Variants in IGSF21 observed in about 807,000 individuals in gnomAD.
IGSF21 encodes immunoglobin superfamily member 21.
A neutral mutation model predicts 46.8 loss-of-function variants in IGSF21; 28 were observed. The observed-to-expected ratio is 0.60, with a 90% confidence interval of 0.44 to 0.82. The LOEUF is 0.82. Among genes scored for constraint, IGSF21 ranks in the 40% least tolerant of loss-of-function variants. The probability of loss-of-function intolerance (pLI) is 0.00; values close to 1 mark genes in which losing one functional copy is unlikely to be tolerated. For synonymous variants in IGSF21, 284 were observed against 273.6 expected, an observed-to-expected ratio of 1.04 and a Z score of -0.38; for missense variants, 624 against 665.5, an observed-to-expected ratio of 0.94 and a Z score of 0.69.
At chr1:18,196,999 A>G (rs753000794) in intron 1 of IGSF21, among the ~76,000 whole-genome samples, 5 of 152,072 alleles carry the variant, frequency 3.3e-5, no homozygotes, top group Non-Finnish European at 7.4e-5. Flanking sequence ...TATTTTTTCT[A>G]ATCGGCCCGG....
intron 1 of IGSF21, among the ~76,000 whole-genome samples, chr1:18,155,922 A>C (rs959179506): frequency 7.9e-5 from 12 of 152,262 alleles, no homozygotes; most frequent in African/African-American, 2.7e-4. Flanking sequence ...AATTGATTAA[A>C]GTTGTACATG....
chr1:18,154,502 G>T (rs529472553), intron 1 of IGSF21, among the ~76,000 whole-genome samples: 25 of 152,174 alleles, frequency 1.6e-4, no homozygotes, highest in African/African-American at 5.3e-4. Flanking sequence ...CTGACCCTGT[G>T]CTGGGCTCTG....
chr1:18,361,019 G>A (rs1415422502), intron 4 of IGSF21, among the ~76,000 whole-genome samples: 1 of 152,096 alleles, frequency 6.6e-6, no homozygotes, highest in Non-Finnish European at 1.5e-5. Context: ...CAGGGGCAGT[G>A]GGTGAGGAGA....
chr1:18,319,259 G>C (rs189558502), intron 3 of IGSF21, among the ~76,000 whole-genome samples: 4 of 152,286 alleles, frequency 2.6e-5, no homozygotes, highest in Non-Finnish European at 5.9e-5. Context: ...CTACATTCCA[G>C]CTAGGAGGAA....
At chr1:18,352,092 A>G (rs1235397030) in intron 4 of IGSF21, among the ~76,000 whole-genome samples, 3 of 152,228 alleles carry the variant, frequency 2.0e-5, no homozygotes, top group African/African-American at 7.2e-5. Flanking sequence ...AAGTCCTTTG[A>G]TCCAATCAGC....
intron 1 of IGSF21, 150 bp downstream of exon 1, chr1:18,108,348 G>C: frequency 2.6e-6 from 2 of 781,130 alleles, no homozygotes; most frequent in South Asian, 4.8e-5. Context: ...GGCTCGATGA[G>C]GGAGGGAGGA....
chr1:18,258,859 C>T (rs997395943), intron 2 of IGSF21, among the ~76,000 whole-genome samples: 2 of 152,166 alleles, frequency 1.3e-5, no homozygotes, highest in East Asian at 1.9e-4. Flanking sequence ...TCTCCCCTTC[C>T]GCCAAATCCA....
intron 1 of IGSF21, among the ~76,000 whole-genome samples, chr1:18,166,216 A>AT (rs2086677252): frequency 6.6e-6 from 1 of 152,098 alleles, no homozygotes; most frequent in Non-Finnish European, 1.5e-5. Context: ...TTTAAAAAAA[A>AT]TTTTACCTTG....
intron 1 of IGSF21, among the ~76,000 whole-genome samples, chr1:18,161,894 C>A (rs1178672333): frequency 1.3e-5 from 2 of 152,110 alleles, no homozygotes; most frequent in African/African-American, 4.8e-5. Flanking sequence ...TGACCTTGGG[C>A]AGGGCACTTA....
chr1:18,273,039 C>CTTTTTTGTTTTTTTTTTTTTTT (rs2085058061), intron 2 of IGSF21, among the ~76,000 whole-genome samples: 1 of 80,722 alleles, frequency 1.2e-5, no homozygotes, highest in African/African-American at 5.4e-5. Context: ...CCAGACGGAT[C>CTTTTTTGTTTTTTTTTTTTTTT]TTTTTTTTTT....
At chr1:18,209,873 C>T (rs925637333) in intron 1 of IGSF21, among the ~76,000 whole-genome samples, 2 of 152,038 alleles carry the variant, frequency 1.3e-5, no homozygotes, top group East Asian at 1.9e-4. Context: ...TCCATGCATC[C>T]GTTGCCTTGA....
chr1:18,151,940 G>C (rs1049416975), intron 1 of IGSF21, among the ~76,000 whole-genome samples: 2 of 152,134 alleles, frequency 1.3e-5, no homozygotes, highest in African/African-American at 4.8e-5. Context: ...CAAGCAGGTT[G>C]CTCCAGGGAT....
intron 1 of IGSF21, among the ~76,000 whole-genome samples, chr1:18,163,191 T>C (rs781615029): frequency 6.6e-6 from 1 of 151,608 alleles, no homozygotes; most frequent in Non-Finnish European, 1.5e-5. Context: ...TCCTAAACTA[T>C]AAAGGGAGAA....
chr1:18,334,920 G>C lies in IGSF21; in HGVS notation c.334G>C (p.Gly112Arg), dbSNP rs1040082258. 2 of 1,614,014 alleles carry C rather than the reference G, an allele frequency of 1.2e-6. No individual in the cohort carries two copies. The highest frequency in any genetic ancestry group is 2.7e-5 in the African/African-American group (2 of 74,920). ...GCCCGAGGTCCGGATCTCAGACAAT[G>C]GTCCCTATGAGTGCCATGTGGGCAT... is the stretch of plus-strand genomic sequence containing the variant. ...RLPEVRISDNGPYECHVGIYD... is the reference protein window; with the variant it reads ...RLPEVRISDNRPYECHVGIYD... Residue 112 changes from glycine to arginine, a missense_variant, in exon 4 of 10, where the codon GGT (glycine) becomes CGT (arginine). By Grantham distance (125) the Gly-to-Arg change is moderately radical (BLOSUM62 -2). Transcript: ENST00000251296. The surrounding 1 kb of genome is among the most constrained non-coding windows in gnomAD (Gnocchi z 4.3).
chr1:18,345,772 G>C (rs1038893073), intron 4 of IGSF21, among the ~76,000 whole-genome samples: 2 of 152,160 alleles, frequency 1.3e-5, no homozygotes, highest in African/African-American at 4.8e-5. Flanking sequence ...TTCTAAGGTC[G>C]ATTCTGTGAT....
Position 18,377,865 on chromosome 1 carries a change from C to A in IGSF21, c.1334-391C>A, listed in dbSNP as rs1343900112. Among the ~76,000 whole-genome samples, 16 of 152,186 alleles carry A rather than the reference C, an allele frequency of 1.1e-4. No individual in the cohort carries two copies. The South Asian group carries it at 3.3e-3, about 31-fold the overall frequency. On this transcript the variant is annotated intron_variant, in intron 9 of 9. Coordinates refer to ENST00000251296, the MANE Select transcript of IGSF21 (RefSeq NM_032880.5). ...GGTGGTTGGGAGCATCAACGGATGT[C>A]TCAGTGCAGGCCCTTTATACTGTCC...
intron 2 of IGSF21, among the ~76,000 whole-genome samples, chr1:18,278,275 T>C (rs1027778533): frequency 1.3e-5 from 2 of 151,994 alleles, no homozygotes; most frequent in African/African-American, 4.8e-5. Flanking sequence ...AGTCTCACTC[T>C]GTTGCCCAGG....
chr1:18,143,862 A>G (rs2124427660), intron 1 of IGSF21, among the ~76,000 whole-genome samples: 1 of 152,118 alleles, frequency 6.6e-6, no homozygotes, highest in East Asian at 1.9e-4. Context: ...TGCCCATCAG[A>G]CTTGGATTCT....
chr1:18,369,221 A>C (rs1200521011), intron 6 of IGSF21, among the ~76,000 whole-genome samples: 1 of 152,182 alleles, frequency 6.6e-6, no homozygotes, highest in Non-Finnish European at 1.5e-5. Flanking sequence ...CTGAGTGAGA[A>C]TTCAGACTTC....
Sources: allele counts gnomAD v4.1 joint callset (sites outside exome capture counted in the v4.1 genomes callset), GRCh38; gene constraint gnomAD v4.1.1; non-coding constraint Gnocchi (gnomAD v3.1); transcripts MANE v1.5; gene names NCBI Gene and HGNC (gene_info 2026-07-23, HGNC 2026-07-21).